ITSN1: variants seen among roughly 807,000 people sequenced by gnomAD.
ITSN1 encodes the protein intersectin 1.
In ITSN1, 58 loss-of-function variants were observed where a neutral mutation model predicts 239.8. The ratio of observed to expected loss-of-function variants is 0.24; its 90% confidence interval spans 0.20 to 0.30. The LOEUF is 0.30. Among genes scored for constraint, ITSN1 ranks in the 10% least tolerant of loss-of-function variants. The pLI is 1.00. For missense variants in ITSN1, 1,558 were observed against 2,103.3 expected (o/e 0.74, Z 5.07); for synonymous variants, 780 against 770.8 (o/e 1.01, Z -0.20).
intron 1 of ITSN1, among the ~76,000 whole-genome samples, chr21:33,693,792 G>A (rs1398711021): frequency 1.3e-5 from 2 of 152,138 alleles, no homozygotes; most frequent in East Asian, 3.9e-4. Flanking sequence ...TTTTCTCTGG[G>A]CTTTCACAGT....
rs1422562972 is a variant in ITSN1, at chr21:33,718,670, T to C, written c.-32-127T>C. On this transcript the variant is annotated intron_variant, in intron 1 of 39. Transcript: ENST00000381318. ...AGTAACACGTGAATGAATGAATTCC[T>C]TAATTGTAGAGCTATGCTCTGGCTC... 4 of 676,692 alleles carry C rather than the reference T, an allele frequency of 5.9e-6. No individual in the cohort carries two copies. The African/African-American group carries it at 7.4e-5, about 12-fold the overall frequency. The allele number at this position is 676,692 out of a possible 1,614,324, so 41.9% of individuals were successfully genotyped here.
chr21:33,738,440 C>T (rs551421979), intron 5 of ITSN1, among the ~76,000 whole-genome samples: 2 of 151,998 alleles, frequency 1.3e-5, no homozygotes, highest in South Asian at 4.2e-4. Flanking sequence ...CTCACTCTGT[C>T]GCCCAGGCTG....
chr21:33,702,383 C>G (rs1016307925), intron 1 of ITSN1, among the ~76,000 whole-genome samples: 4 of 152,118 alleles, frequency 2.6e-5, no homozygotes, highest in African/African-American at 4.8e-5. Flanking sequence ...TCCCAAAGTG[C>G]TGGGTTTACA....
intron 1 of ITSN1, among the ~76,000 whole-genome samples, chr21:33,694,727 G>C (rs1324685051): frequency 6.6e-6 from 1 of 152,124 alleles, no homozygotes; most frequent in Non-Finnish European, 1.5e-5. Context: ...AGGCTGACAG[G>C]AGAATTACTT....
chr21:33,738,669 G>C (rs1165176342), intron 5 of ITSN1, among the ~76,000 whole-genome samples: 1 of 151,992 alleles, frequency 6.6e-6, no homozygotes, highest in Non-Finnish European at 1.5e-5. Context: ...CAAACTCCTG[G>C]CATTACAGGC....
chr21:33,707,975 G>A (rs1180516809), intron 1 of ITSN1, among the ~76,000 whole-genome samples: 1 of 152,172 alleles, frequency 6.6e-6, no homozygotes, highest in Non-Finnish European at 1.5e-5. Flanking sequence ...ATTTTTAAAA[G>A]TTTGTACAAT....
rs184336412 is a variant in ITSN1 at position 33,801,276 on chromosome 21, A to G, written c.2305-1154A>G. On this transcript the variant is annotated intron_variant, in intron 19 of 39. Coordinates refer to ENST00000381318, the MANE Select transcript of ITSN1 (RefSeq NM_003024.3). ...TAAAGGGTGGTGTACAGGTGATTTTACTATTACTCATGCATTCATCTTGCC... is the reference window on the plus strand; with the variant it reads ...TAAAGGGTGGTGTACAGGTGATTTTGCTATTACTCATGCATTCATCTTGCC... Among the ~76,000 whole-genome samples, 151 of 152,278 alleles carry G rather than the reference A, an allele frequency of 9.9e-4. 1 individual carries two copies. The highest frequency in any genetic ancestry group is 3.5e-3 in the African/African-American group (144 of 41,560).
At chr21:33,655,317 T>A (rs1286569880) in intron 1 of ITSN1, among the ~76,000 whole-genome samples, 2 of 152,160 alleles carry the variant, frequency 1.3e-5, no homozygotes. Context: ...AATGTTGACC[T>A]CCTGCAAAAA....
intron 29 of ITSN1, among the ~76,000 whole-genome samples, chr21:33,840,613 C>G (rs541471016): frequency 6.6e-6 from 1 of 152,276 alleles, no homozygotes; most frequent in African/African-American, 2.4e-5. Context: ...CCACCCGCCT[C>G]AGCCTCCCAA....
At chr21:33,654,244 G>A (rs1334766768) in intron 1 of ITSN1, among the ~76,000 whole-genome samples, 2 of 145,966 alleles carry the variant, frequency 1.4e-5, no homozygotes, top group Admixed American at 1.4e-4. Flanking sequence ...TTTTTGGAGA[G>A]ACGATCTCGC....
intron 1 of ITSN1, among the ~76,000 whole-genome samples, chr21:33,715,903 T>TC (rs1484185522): frequency 6.6e-6 from 1 of 151,934 alleles, no homozygotes; most frequent in Non-Finnish European, 1.5e-5. Context: ...GGGGACGGAG[T>TC]GAGACTCTGT....
rs146641519 is a variant in ITSN1 at position 33,797,835 on chromosome 21, G to A, written c.2182+227G>A. 2.2e-4 allele frequency among the ~76,000 whole-genome samples: 34 copies of A among 152,220 alleles called. No individual in the cohort carries two copies. The highest frequency in any genetic ancestry group is 3.4e-3 in the Middle Eastern group (1 of 294). On this transcript the variant is annotated intron_variant, in intron 18 of 39. Coordinates refer to ENST00000381318, the MANE Select transcript of ITSN1 (RefSeq NM_003024.3). The surrounding 1 kb of genome is among the most constrained non-coding windows in gnomAD (Gnocchi z 4.9). ...TGGCCCACGTTACACTGGCATCCACGAGTCCTCTACGGAGCTAACAAGTGG... is the reference window on the plus strand; with the variant it reads ...TGGCCCACGTTACACTGGCATCCACAAGTCCTCTACGGAGCTAACAAGTGG...
chr21:33,653,596 C>T (rs1266453247), intron 1 of ITSN1, among the ~76,000 whole-genome samples: 1 of 152,034 alleles, frequency 6.6e-6, no homozygotes, highest in Non-Finnish European at 1.5e-5. Flanking sequence ...GATCTCAGCT[C>T]ACTGCAAGCT....
At chr21:33,717,799 C>T (rs767269846) in intron 1 of ITSN1, among the ~76,000 whole-genome samples, 2 of 151,932 alleles carry the variant, frequency 1.3e-5, no homozygotes, top group Non-Finnish European at 2.9e-5. Flanking sequence ...GATCTCCTGA[C>T]CTTGTGATCC....
chr21:33,814,851 A>G (rs2073157943), intron 22 of ITSN1, among the ~76,000 whole-genome samples: 1 of 152,148 alleles, frequency 6.6e-6, no homozygotes, highest in Non-Finnish European at 1.5e-5. Flanking sequence ...AGCTGAGTTC[A>G]TGTTCACCAA....
chr21:33,882,440 T>C lies in ITSN1; in HGVS notation c.4539T>C (p.Tyr1513=). ...KVFSPKSNLQ[Y]KMYKTPIFLN... ...TCAGCCCCAAATCAAACCTGCAGTA[T>C]AAAATGTATAAAACAGTAAGTTGGA... Residue 1513 remains tyrosine (Y), a synonymous_variant, in exon 35 of 40, where the codon TAT becomes TAC. Transcript: ENST00000381318. The surrounding 1 kb of genome is among the most constrained non-coding windows in gnomAD (Gnocchi z 4.5). The C allele has an allele frequency of 6.2e-7, 1 of 1,613,790 alleles. No homozygotes were observed. The highest frequency in any genetic ancestry group is 8.5e-7 in the Non-Finnish European group (1 of 1,179,804).
At chr21:33,774,120 A>G (rs2069401423) in intron 12 of ITSN1, among the ~76,000 whole-genome samples, 1 of 152,214 alleles carries the variant, frequency 6.6e-6, no homozygotes, top group Admixed American at 6.5e-5. Context: ...GACATTTACC[A>G]TGTATCAGGT....
At chr21:33,717,169 G>C (rs113349186) in intron 1 of ITSN1, among the ~76,000 whole-genome samples, 2 of 151,818 alleles carry the variant, frequency 1.3e-5, no homozygotes, top group Non-Finnish European at 2.9e-5. Flanking sequence ...TTAAATCTGT[G>C]AGTATTTAGT....
intron 4 of ITSN1, among the ~76,000 whole-genome samples, chr21:33,730,844 C>T (rs966586084): frequency 6.6e-6 from 1 of 151,754 alleles, no homozygotes; most frequent in African/African-American, 2.4e-5. Context: ...GGACTACAGG[C>T]GCCCGCGTGC....
Sources: gnomAD v4.1 joint callset for allele counts (sites outside exome capture counted in the v4.1 genomes callset) on GRCh38, gnomAD v4.1.1 for gene constraint, Gnocchi (gnomAD v3.1) non-coding constraint, MANE v1.5 for transcripts, NCBI Gene and HGNC (gene_info 2026-07-23, HGNC 2026-07-21) for gene names.